Variants in RBMS3 observed in about 807,000 individuals in gnomAD.
RBMS3 encodes the protein RNA-binding motif, single-stranded-interacting protein 3.
Under a neutral mutation model 66.8 loss-of-function variants are expected in RBMS3, and 27 were observed. The ratio of observed to expected loss-of-function variants is 0.40; its 90% CI spans 0.30 to 0.56. RBMS3 has a LOEUF of 0.56. RBMS3 is among the 20% of genes least tolerant of loss of function. The pLI, the probability that RBMS3 is intolerant of heterozygous loss-of-function variation, is 0.40. For missense variants in RBMS3, 513 were observed against 549.5 expected (o/e 0.93, Z 0.66); for synonymous variants, 188 against 183.0 (o/e 1.03, Z -0.22).
intron 4 of RBMS3, among the ~76,000 whole-genome samples, chr3:29,625,993 A>G (rs979830824): frequency 6.6e-6 from 1 of 152,180 alleles, no homozygotes; most frequent in Non-Finnish European, 1.5e-5. Flanking sequence ...ATATGACTCA[A>G]TTACTAATTT....
At chr3:29,387,604 T>A (rs372819935) in intron 1 of RBMS3, among the ~76,000 whole-genome samples, 1 of 152,058 alleles carries the variant, frequency 6.6e-6, no homozygotes, top group East Asian at 1.9e-4. Context: ...AGAGTAAACG[T>A]TTTAAAATGT....
chr3:29,592,940 T>C (rs980021907), intron 4 of RBMS3, among the ~76,000 whole-genome samples: 1 of 134,860 alleles, frequency 7.4e-6, no homozygotes, highest in African/African-American at 2.8e-5. Context: ...TTCTCACTCA[T>C]AGGTGGGAAT....
chr3:29,634,264 C>T lies in RBMS3; in HGVS notation c.399+47059C>T, dbSNP rs1024841308. ...TTAAAATTGCTTTCATATGCAGAAACATACTATGTGCAATTGTCTGTGTTA... is the reference window on the plus strand; with the variant it reads ...TTAAAATTGCTTTCATATGCAGAAATATACTATGTGCAATTGTCTGTGTTA... On this transcript the variant is annotated intron_variant, in intron 4 of 14. Transcript: ENST00000383767. 2.6e-5 allele frequency among the ~76,000 whole-genome samples: 4 copies of T among 151,856 alleles called. No individual in the cohort carries two copies. In the East Asian group the frequency reaches 5.8e-4, roughly 22 times the overall value.
chr3:29,492,064 T>A (rs1160304390), intron 3 of RBMS3, among the ~76,000 whole-genome samples: 2 of 152,014 alleles, frequency 1.3e-5, no homozygotes, highest in African/African-American at 4.8e-5. Flanking sequence ...GGCAAAGTGA[T>A]CGTGTGTCCA....
chr3:29,775,875 A>G (rs144013022), intron 6 of RBMS3, among the ~76,000 whole-genome samples: 640 of 152,192 alleles, frequency 4.2e-3, no homozygotes, highest in Non-Finnish European at 7.4e-3. Context: ...CTCCTATTGT[A>G]GAGTCACATA....
At chr3:29,661,719 A>G (rs998887078) in intron 4 of RBMS3, among the ~76,000 whole-genome samples, 1 of 151,954 alleles carries the variant, frequency 6.6e-6, no homozygotes, top group Non-Finnish European at 1.5e-5. Context: ...CTTTATTTTT[A>G]TGGAATTCTA....
chr3:29,548,133 T>C (rs1224683696), intron 3 of RBMS3, among the ~76,000 whole-genome samples: 2 of 151,964 alleles, frequency 1.3e-5, no homozygotes. Flanking sequence ...AATCCATCCA[T>C]AAAAAGTTAA....
At chr3:29,437,959 G>T (rs896519037) in intron 2 of RBMS3, among the ~76,000 whole-genome samples, 2 of 151,954 alleles carry the variant, frequency 1.3e-5, no homozygotes, top group Non-Finnish European at 2.9e-5. Context: ...AGCTTCATGG[G>T]TATGACCTGA....
chr3:29,573,160 A>T (rs562199435), intron 3 of RBMS3, among the ~76,000 whole-genome samples: 1 of 151,848 alleles, frequency 6.6e-6, no homozygotes, highest in South Asian at 2.1e-4. Context: ...TTGTTCTGTC[A>T]CCCAGGCTGG....
intron 1 of RBMS3, among the ~76,000 whole-genome samples, chr3:29,418,676 G>A (rs2040577709): frequency 1.3e-5 from 2 of 152,066 alleles, no homozygotes; most frequent in Admixed American, 1.3e-4. Context: ...GCTTTCCTCT[G>A]CTGAAATAAG....
At chr3:29,878,818 G>A (rs2059669831) in intron 7 of RBMS3, among the ~76,000 whole-genome samples, 1 of 152,144 alleles carries the variant, frequency 6.6e-6, no homozygotes, top group South Asian at 2.1e-4. Context: ...AAAGCAGGAG[G>A]ATCACTTGAG....
intron 6 of RBMS3, among the ~76,000 whole-genome samples, chr3:29,792,669 C>T (rs1404125030): frequency 6.6e-6 from 1 of 152,060 alleles, no homozygotes; most frequent in African/African-American, 2.4e-5. Context: ...CAAAGCCTGG[C>T]CAAATGAAAC....
chr3:29,673,713 G>C (rs147275036), intron 4 of RBMS3, among the ~76,000 whole-genome samples: 5,493 of 152,164 alleles, frequency 0.036, 321 homozygotes, highest in African/African-American at 0.12. Flanking sequence ...GGAAGAAGTT[G>C]AATCCCTGAA....
intron 3 of RBMS3, among the ~76,000 whole-genome samples, chr3:29,582,754 C>A (rs747005145): frequency 6.6e-6 from 1 of 152,122 alleles, no homozygotes; most frequent in Non-Finnish European, 1.5e-5. Context: ...TGGCTTTATT[C>A]CTTGCTAAAT....
intron 3 of RBMS3, among the ~76,000 whole-genome samples, chr3:29,514,929 C>G (rs1386182253): frequency 6.6e-6 from 1 of 151,902 alleles, no homozygotes; most frequent in Non-Finnish European, 1.5e-5. Context: ...TTTAATCCTA[C>G]AGAGGCCCTT....
At chr3:29,511,722 C>G (rs1350202997) in intron 3 of RBMS3, among the ~76,000 whole-genome samples, 1 of 152,118 alleles carries the variant, frequency 6.6e-6, no homozygotes, top group Non-Finnish European at 1.5e-5. Context: ...GAGAATATTA[C>G]TCAACCACTT....
chr3:29,746,088 C>CAGAAACAG (rs1274199584), intron 5 of RBMS3, among the ~76,000 whole-genome samples: 1 of 152,036 alleles, frequency 6.6e-6, no homozygotes, highest in Non-Finnish European at 1.5e-5. Flanking sequence ...AATGAGACCA[C>CAGAAACAG]AGAAACAGAA....
intron 4 of RBMS3, among the ~76,000 whole-genome samples, chr3:29,728,054 C>T (rs998333564): frequency 1.2e-4 from 18 of 152,216 alleles, no homozygotes; most frequent in East Asian, 3.9e-4. Flanking sequence ...ATGTCCTTTG[C>T]GGGGACATGG....
intron 6 of RBMS3, among the ~76,000 whole-genome samples, chr3:29,858,293 T>A (rs912279372): frequency 1.3e-5 from 2 of 152,146 alleles, no homozygotes; most frequent in Admixed American, 1.3e-4. Flanking sequence ...TAATAAAAAA[T>A]TTCATCTTAT....
Sources: allele counts gnomAD v4.1 joint callset (sites outside exome capture counted in the v4.1 genomes callset), GRCh38; gene constraint gnomAD v4.1.1; transcripts MANE v1.5; gene names NCBI Gene and HGNC (gene_info 2026-07-23, HGNC 2026-07-21).